Variants in ZNF519 observed in about 807,000 individuals in gnomAD.
ZNF519 encodes the protein zinc finger protein 519.
ZNF519 carries 7 observed loss-of-function variants against 7.4 expected under a neutral mutation model. That is an observed-to-expected ratio of 0.94 (90% CI 0.54 to 1.77). ZNF519 has a LOEUF of 1.77. ZNF519 is among the 40% of genes most tolerant of loss of function. ZNF519 has a pLI of 0.00. For missense variants in ZNF519, 586 were observed against 623.1 expected (o/e 0.94, Z 0.63); for synonymous variants, 179 against 203.3 (o/e 0.88, Z 1.02).
At chr18:14,077,880 A>C (rs574467722) in intron 4 of ZNF519, among the ~76,000 whole-genome samples, 10 of 152,350 alleles carry the variant, frequency 6.6e-5, no homozygotes, top group African/African-American at 1.9e-4. Flanking sequence ...ATCATACAAT[A>C]GACTGGTAAA....
chr18:14,111,050 G>GATGT (rs1360763457), intron 2 of ZNF519, among the ~76,000 whole-genome samples: 1 of 150,982 alleles, frequency 6.6e-6, no homozygotes, highest in Non-Finnish European at 1.5e-5. Context: ...AAAACCTAAT[G>GATGT]ATGTATCTAG....
chr18:14,090,585 A>G (rs181667206), intron 2 of ZNF519: 52 of 152,380 alleles, frequency 3.4e-4, no homozygotes, highest in Admixed American at 3.3e-3. Flanking sequence ...GGTCTTAAAG[A>G]GTGCTGCCCC....
At chr18:14,086,363 C>T (rs575011430) in intron 2 of ZNF519, among the ~76,000 whole-genome samples, 7 of 152,260 alleles carry the variant, frequency 4.6e-5, no homozygotes, top group African/African-American at 1.7e-4. Flanking sequence ...TCTCAGGGGC[C>T]GGAAAGCTGT....
intron 2 of ZNF519, among the ~76,000 whole-genome samples, chr18:14,108,512 A>G (rs1017105619): frequency 6.6e-6 from 1 of 152,142 alleles, no homozygotes; most frequent in Admixed American, 6.5e-5. Flanking sequence ...CAAGACAAGA[A>G]AACAACAAAA....
intron 2 of ZNF519, among the ~76,000 whole-genome samples, chr18:14,116,685 A>G (rs1187222422): frequency 6.6e-6 from 1 of 152,228 alleles, no homozygotes; most frequent in Non-Finnish European, 1.5e-5. Flanking sequence ...TTTAAATGTA[A>G]GAATTATAAC....
intron 1 of ZNF519, among the ~76,000 whole-genome samples, chr18:14,126,265 T>C (rs1340925649): frequency 3.3e-5 from 5 of 152,210 alleles, no homozygotes; most frequent in African/African-American, 1.2e-4. Context: ...CCAAGAGAAA[T>C]CTGATTTTCA....
chr18:14,118,888 T>C lies in ZNF519; in HGVS notation c.130+5462A>G, dbSNP rs576040314. On this transcript the variant is annotated intron_variant, in intron 2 of 2. Transcript: ENST00000590202. ...CACAGCCACAGTCCATGGCCAGTTA[T>C]AGGCACCCAGTTAGAGACCTGTGAA... Among the ~76,000 whole-genome samples the C allele has an allele frequency of 7.9e-5, 12 of 152,248 alleles. No individual in the cohort carries two copies. In the East Asian group the frequency reaches 9.7e-4, roughly 12 times the overall value.
downstream of ZNF519, among the ~76,000 whole-genome samples, chr18:14,099,721 TA>T (rs200265679): frequency 4.5e-4 from 69 of 152,296 alleles, 1 homozygote; most frequent in East Asian, 0.01. Flanking sequence ...CTCCTCCAGC[TA>T]TAACAACAAG....
chr18:14,129,118 C>G (rs780968178), intron 1 of ZNF519, among the ~76,000 whole-genome samples: 7 of 152,104 alleles, frequency 4.6e-5, no homozygotes, highest in Non-Finnish European at 8.8e-5. Flanking sequence ...CAGGCTCAGG[C>G]AGCGCTATGT....
chr18:14,129,285 G>A (rs1173097586), intron 1 of ZNF519, among the ~76,000 whole-genome samples: 3 of 152,174 alleles, frequency 2.0e-5, no homozygotes, highest in Admixed American at 6.5e-5. Context: ...GTTCTTGGCA[G>A]AAAACTCTAG....
In ZNF519 at chr18:14,105,062, C is replaced by T. The variant is rs1185443236; in HGVS notation, c.1478G>A (p.Cys493Tyr). 1 of 1,611,754 alleles carries T rather than the reference C, an allele frequency of 6.2e-7. No individual in the cohort carries two copies. The highest frequency in any genetic ancestry group is 8.5e-7 in the Non-Finnish European group (1 of 1,179,006). ...TGAGCTCCTGGTAAAAGCTTTGCCA[C>T]ATTCTTTACATTTGAAGAATTTCTC... ...TGEKFFKCKE[C>Y]GKAFTRSSHL... The change falls in exon 3 of 3, where the codon TGT (cysteine) becomes TAT (tyrosine). Residue 493 changes from cysteine to tyrosine, a missense_variant. Transcript: ENST00000590202.
intron 1 of ZNF519, among the ~76,000 whole-genome samples, chr18:14,127,108 A>C (rs1180929652): frequency 1.3e-5 from 2 of 152,192 alleles, no homozygotes; most frequent in Admixed American, 6.5e-5. Flanking sequence ...GTTTACAGGG[A>C]GGCACAGTTG....
chr18:14,105,908 G>C lies in ZNF519; in HGVS notation c.632C>G (p.Ser211Cys), dbSNP rs2046188138. The change falls in exon 3 of 3, where the codon TCT becomes TGT. Residue 211 changes from serine to cysteine, a missense_variant. Transcript: ENST00000590202. ...NIHIQKKPYNSNECGETSDPF... is the reference protein window; with the variant it reads ...NIHIQKKPYNCNECGETSDPF... The stretch of plus-strand genomic sequence containing the variant: ...GTCAGAAGTTTCACCACATTCATTA[G>C]AGTTGTAAGGCTTTTTTTGAATATG... 2 of 1,610,008 alleles carry C rather than the reference G, an allele frequency of 1.2e-6. No homozygotes were observed. Among genetic ancestry groups the C allele is most frequent in the African/African-American group, 1.3e-5 (1 of 74,654 alleles).
At chr18:14,085,571 A>C (rs1484139850) in intron 2 of ZNF519, among the ~76,000 whole-genome samples, 2 of 152,148 alleles carry the variant, frequency 1.3e-5, no homozygotes, top group African/African-American at 4.8e-5. Context: ...CCAATAGAGC[A>C]CCTGTTTTTA....
chr18:14,071,620 T>C (rs1043860152), downstream of ZNF519: 2 of 152,160 alleles, frequency 1.3e-5, no homozygotes, highest in Non-Finnish European at 2.9e-5. Flanking sequence ...AACTAAAATA[T>C]AGAAAAGCAA....
At position 14,103,044 on chromosome 18, in the gene ZNF519, T is replaced by C. The variant is rs1478260407; in HGVS notation, c.*1873A>G. 6.6e-6 allele frequency: 1 copy of C among 152,076 alleles called. No individual in the cohort carries two copies. The highest frequency in any genetic ancestry group is 1.5e-5 in the Non-Finnish European group (1 of 68,002). 9.4% of individuals were successfully genotyped at this position (152,076 alleles called of 1,614,324 possible). ...GAAAGCAAAATGATGCAAATTCAAC[T>C]ATACTGATAATATTACAGGCTATAA... On this transcript the variant is annotated 3_prime_UTR_variant, in exon 3 of 3. Coordinates refer to ENST00000590202, the MANE Select transcript of ZNF519 (RefSeq NM_145287.4).
intron 2 of ZNF519, among the ~76,000 whole-genome samples, chr18:14,092,356 G>A (rs2046117828): frequency 6.6e-6 from 1 of 152,114 alleles, no homozygotes; most frequent in Admixed American, 6.5e-5. Context: ...AGCTTGTTTG[G>A]GAGAAGACTT....
intron 2 of ZNF519, among the ~76,000 whole-genome samples, chr18:14,114,110 T>C (rs1445702536): frequency 2.0e-5 from 3 of 152,204 alleles, no homozygotes; most frequent in Non-Finnish European, 2.9e-5. Context: ...TTGTTGATTG[T>C]TTCACTTGCT....
At chr18:14,117,891 A>G (rs894744475) in intron 2 of ZNF519, among the ~76,000 whole-genome samples, 5 of 152,122 alleles carry the variant, frequency 3.3e-5, no homozygotes, top group Non-Finnish European at 7.4e-5. Flanking sequence ...CTATGATCCA[A>G]TCACCTCCCA....
Sources: gnomAD v4.1 joint callset for allele counts (sites outside exome capture counted in the v4.1 genomes callset) on GRCh38, gnomAD v4.1.1 for gene constraint, MANE v1.5 for transcripts, NCBI Gene and HGNC (gene_info 2026-07-23, HGNC 2026-07-21) for gene names.